The following CLCN3 variants were observed in gnomAD, a reference collection of about 807,000 sequenced individuals.
CLCN3 encodes H(+)/Cl(-) exchange transporter 3.
A neutral mutation model predicts 83.4 loss-of-function variants in CLCN3; 16 were observed. That is an observed-to-expected ratio of 0.19 (90% CI 0.13 to 0.29). The LOEUF is 0.29. Ranked by LOEUF, CLCN3 falls within the 10% of genes least tolerant of loss-of-function variation. The pLI is 1.00. For synonymous variants in CLCN3, 322 were observed against 346.2 expected (o/e 0.93, Z 0.78); for missense variants, 544 against 1,006.0 (o/e 0.54, Z 6.21).
chr4:169,637,409 T>C (rs1730245793), intron 2 of CLCN3, among the ~76,000 whole-genome samples: 1 of 152,186 alleles, frequency 6.6e-6, no homozygotes, highest in Non-Finnish European at 1.5e-5. Flanking sequence ...TCCCAGCACT[T>C]TGGAAGGCCG....
intron 3 of CLCN3, among the ~76,000 whole-genome samples, chr4:169,687,424 A>C (rs1215471868): frequency 6.6e-6 from 1 of 152,162 alleles, no homozygotes; most frequent in East Asian, 1.9e-4. Context: ...CATTGAAAGA[A>C]AAAAAATTTT....
intron 7 of CLCN3, among the ~76,000 whole-genome samples, chr4:169,693,851 C>T (rs906001944): frequency 6.6e-6 from 1 of 152,082 alleles, no homozygotes; most frequent in Non-Finnish European, 1.5e-5. Flanking sequence ...ATGTTTAATA[C>T]GTTGTTATTC....
intron 2 of CLCN3, among the ~76,000 whole-genome samples, chr4:169,637,583 A>ACAC (rs138392817): frequency 0.71 from 98,018 of 138,664 alleles, 32,842 homozygotes; most frequent in East Asian, 0.93. Context: ...AACCAAACAA[A>ACAC]CACCACCACC....
chr4:169,704,231 A>G (rs752278826), intron 10 of CLCN3, 47 bp downstream of exon 10: 1 of 1,551,906 alleles, frequency 6.4e-7, no homozygotes, highest in South Asian at 1.2e-5. Context: ...CAAGTCTGAG[A>G]GAGCCAAGAG....
intron 3 of CLCN3, among the ~76,000 whole-genome samples, chr4:169,687,005 G>A (rs868365550): frequency 1.3e-5 from 2 of 152,056 alleles, no homozygotes; most frequent in East Asian, 3.8e-4. Context: ...TATAAGTTTT[G>A]GGGGGTCCCT....
rs542706912 is a variant in CLCN3, at chr4:169,708,885, G to T, written c.2149+1619G>T. 2.0e-5 allele frequency among the ~76,000 whole-genome samples: 3 copies of T among 150,804 alleles called. No homozygotes were observed. The South Asian group carries it at 6.2e-4, about 31-fold the overall frequency. Reference sequence around the variant, plus strand: ...TAAATGTTTTACCGTGTATGTTTTTGTAAAGTTTTAAATTTTTAACTGGGA... The same window carrying T: ...TAAATGTTTTACCGTGTATGTTTTTTTAAAGTTTTAAATTTTTAACTGGGA... On this transcript the variant is annotated intron_variant, in intron 11 of 12. Transcript: ENST00000513761.
At chr4:169,709,512 C>T (rs999594113) in intron 11 of CLCN3, among the ~76,000 whole-genome samples, 4 of 151,900 alleles carry the variant, frequency 2.6e-5, no homozygotes, top group South Asian at 4.2e-4. Flanking sequence ...GGTGAAATCC[C>T]GCCTCTACTA....
Position 169,667,907 on chromosome 4 carries a change from G to A in CLCN3, c.161-12143G>A, listed in dbSNP as rs151088823. 8.5e-4 allele frequency among the ~76,000 whole-genome samples: 129 copies of A among 151,416 alleles called. 1 individual carries two copies. The highest frequency in any genetic ancestry group is 5.0e-3 in the Admixed American group (76 of 15,174). On this transcript the variant is annotated intron_variant, in intron 2 of 12. Transcript: ENST00000513761. ...ACTACAGGCATATGCCACTATGCCC[G>A]CCTGATTTTTTTTAGTAGAGATGGG...
intron 9 of CLCN3, among the ~76,000 whole-genome samples, chr4:169,701,468 C>T (rs982298174): frequency 7.2e-5 from 11 of 152,086 alleles, no homozygotes; most frequent in Admixed American, 1.3e-4. Context: ...TCCCATGAAA[C>T]GTGAATGTTC....
chr4:169,650,228 A>G (rs1730694799), intron 2 of CLCN3, among the ~76,000 whole-genome samples: 1 of 152,236 alleles, frequency 6.6e-6, no homozygotes, highest in South Asian at 2.1e-4. Context: ...ACATTAATAA[A>G]ACAATCCAAG....
At chr4:169,715,494 G>A (rs114541801) in intron 12 of CLCN3, among the ~76,000 whole-genome samples, 148 of 151,780 alleles carry the variant, frequency 9.8e-4, no homozygotes, top group African/African-American at 3.3e-3. Context: ...GAAGTCGGGT[G>A]TTTTTTTTCT....
intron 2 of CLCN3, among the ~76,000 whole-genome samples, chr4:169,659,488 CT>C (rs1388794673): frequency 6.6e-6 from 1 of 152,094 alleles, no homozygotes; most frequent in African/African-American, 2.4e-5. Context: ...TAGGAAAGCC[CT>C]CTGCTTAGTA....
At chr4:169,708,666 G>A (rs937648240) in intron 11 of CLCN3, among the ~76,000 whole-genome samples, 2 of 152,166 alleles carry the variant, frequency 1.3e-5, no homozygotes, top group Admixed American at 1.3e-4. Flanking sequence ...TGTTTTTAAA[G>A]TGTGGAAATT....
intron 1 of CLCN3, among the ~76,000 whole-genome samples, chr4:169,633,022 A>G (rs1773417566): frequency 6.6e-6 from 1 of 150,918 alleles, no homozygotes; most frequent in Non-Finnish European, 1.5e-5. Context: ...TATTATTATT[A>G]CTTTGTTTGA....
At chr4:169,705,402 T>C (rs1206712653) in intron 10 of CLCN3, among the ~76,000 whole-genome samples, 1 of 152,200 alleles carries the variant, frequency 6.6e-6, no homozygotes, top group Non-Finnish European at 1.5e-5. Flanking sequence ...TATTTGAAGT[T>C]GGTCAGATTT....
intron 11 of CLCN3, among the ~76,000 whole-genome samples, chr4:169,711,284 G>A (rs1733203990): frequency 6.6e-6 from 1 of 152,192 alleles, no homozygotes; most frequent in South Asian, 2.1e-4. Flanking sequence ...AGATTGTTAT[G>A]AGCTAAAAGC....
intron 6 of CLCN3, among the ~76,000 whole-genome samples, chr4:169,691,644 C>T (rs1371635219): frequency 2.0e-5 from 3 of 152,040 alleles, no homozygotes; most frequent in African/African-American, 7.2e-5. Flanking sequence ...CAATATCATG[C>T]AGTATATAAC....
chr4:169,689,005 G>T, intron 4 of CLCN3, 38 bp from the exon 5 acceptor site: 1 of 1,586,044 alleles, frequency 6.3e-7, no homozygotes, highest in South Asian at 1.2e-5. Flanking sequence ...CCAAAAAATT[G>T]ACTTAATTTT....
intron 12 of CLCN3, 23 bp from the exon 13 acceptor site, chr4:169,719,884 A>C: frequency 1.3e-6 from 2 of 1,578,890 alleles, no homozygotes; most frequent in Non-Finnish European, 1.7e-6. Flanking sequence ...ATTTCATAGG[A>C]GTCTTCTGTT....
Sources: gnomAD v4.1 joint callset for allele counts (sites outside exome capture counted in the v4.1 genomes callset) on GRCh38, gnomAD v4.1.1 for gene constraint, MANE v1.5 for transcripts, NCBI Gene and HGNC (gene_info 2026-07-23, HGNC 2026-07-21) for gene names.